The following CAST variants were observed in gnomAD, a reference collection of about 807,000 sequenced individuals.
The protein encoded by CAST is calpastatin, also known as MIR583 host.
In CAST, 76 loss-of-function variants were observed where a neutral mutation model predicts 119.6. That is an observed-to-expected ratio of 0.64 (90% CI 0.53 to 0.77). The LOEUF (loss-of-function observed/expected upper bound fraction) is 0.77. Among genes scored for constraint, CAST ranks in the 30% least tolerant of loss-of-function variants. The pLI, the probability that CAST is intolerant of heterozygous loss-of-function variation, is 0.00. For synonymous variants in CAST, 319 were observed against 331.6 expected (o/e 0.96, Z 0.41); for missense variants, 953 against 946.5 (o/e 1.01, Z -0.09).
At chr5:96,421,180 A>C in the CAST span, among the ~76,000 whole-genome samples, 11 of 152,152 alleles carry the variant, frequency 7.2e-5, no homozygotes, top group African/African-American at 2.4e-4. Flanking sequence ...TCTTTCTTTC[A>C]CCTCTCCCTT....
chr5:96,076,977 ATATTT>A, the CAST span, among the ~76,000 whole-genome samples: 6 of 151,128 alleles, frequency 4.0e-5, no homozygotes, highest in Admixed American at 3.3e-4. Context: ...TATAATAAAA[ATATTT>A]TATATTATGC....
chr5:95,983,380 A>G, the CAST span, among the ~76,000 whole-genome samples: 15 of 152,216 alleles, frequency 9.9e-5, no homozygotes, highest in African/African-American at 3.6e-4. Flanking sequence ...TTGAAAGCAC[A>G]TTTCATAACT....
the CAST span, among the ~76,000 whole-genome samples, chr5:96,173,904 G>A: frequency 6.6e-6 from 1 of 151,862 alleles, no homozygotes; most frequent in Admixed American, 6.6e-5. Context: ...ACCACGCCCG[G>A]CTAATTTTTT....
chr5:96,426,119 A>G, the CAST span, among the ~76,000 whole-genome samples: 1 of 152,170 alleles, frequency 6.6e-6, no homozygotes, highest in Non-Finnish European at 1.5e-5. Context: ...TATTTCCTCT[A>G]TTACAGTAAA....
intron 1 of CAST, among the ~76,000 whole-genome samples, chr5:96,631,680 C>T (rs1031061907): frequency 6.7e-6 from 1 of 150,018 alleles, no homozygotes; most frequent in African/African-American, 2.4e-5. Context: ...CCACAGGCGC[C>T]CGCCACCACG....
the CAST span, among the ~76,000 whole-genome samples, chr5:96,189,380 A>T: frequency 1.3e-5 from 2 of 152,184 alleles, no homozygotes; most frequent in African/African-American, 4.8e-5. Context: ...TTCCTGGTTC[A>T]AAAACTTTCC....
the CAST span, among the ~76,000 whole-genome samples, chr5:95,974,726 A>G: frequency 6.6e-6 from 1 of 151,932 alleles, no homozygotes; most frequent in Non-Finnish European, 1.5e-5. Flanking sequence ...TCATTTCCTT[A>G]CTCTGATAAG....
At chr5:96,021,302 C>T in the CAST span, among the ~76,000 whole-genome samples, 1 of 152,038 alleles carries the variant, frequency 6.6e-6, no homozygotes, top group Non-Finnish European at 1.5e-5. Flanking sequence ...CTTTTTCACA[C>T]ACAAAAATTT....
chr5:96,214,461 G>A, the CAST span, among the ~76,000 whole-genome samples: 1 of 152,158 alleles, frequency 6.6e-6, no homozygotes, highest in Non-Finnish European at 1.5e-5. Flanking sequence ...ATGGAGGAAA[G>A]CCTAATACTC....
chr5:96,423,745 A>C, the CAST span, among the ~76,000 whole-genome samples: 4 of 152,172 alleles, frequency 2.6e-5, no homozygotes, highest in African/African-American at 7.2e-5. Flanking sequence ...TTTATCCCTA[A>C]ATTTCTTTCA....
At chr5:96,515,064 A>G in the CAST span, among the ~76,000 whole-genome samples, 1 of 152,054 alleles carries the variant, frequency 6.6e-6, no homozygotes, top group Non-Finnish European at 1.5e-5. Context: ...GCTATTTCTT[A>G]AATGTCAATC....
chr5:96,487,090 G>A, the CAST span, among the ~76,000 whole-genome samples: 238 of 151,496 alleles, frequency 1.6e-3, no homozygotes, highest in Middle Eastern at 6.8e-3. Flanking sequence ...GTAAAGATTG[G>A]AGAGCATCAC....
chr5:96,320,534 G>A, the CAST span, among the ~76,000 whole-genome samples: 4 of 152,074 alleles, frequency 2.6e-5, no homozygotes, highest in African/African-American at 7.2e-5. Flanking sequence ...CACCGTGCCC[G>A]GTCGGCTTTT....
chr5:96,166,536 G>A, the CAST span, among the ~76,000 whole-genome samples: 3 of 152,054 alleles, frequency 2.0e-5, no homozygotes, highest in Non-Finnish European at 4.4e-5. Context: ...GCAAATAACT[G>A]ATTTAAGTGC....
the CAST span, among the ~76,000 whole-genome samples, chr5:96,237,687 T>A: frequency 6.6e-6 from 1 of 152,144 alleles, no homozygotes; most frequent in East Asian, 1.9e-4. Context: ...TATAAACATG[T>A]AATTTCTATT....
chr5:96,371,568 A>G, the CAST span, among the ~76,000 whole-genome samples: 1 of 152,342 alleles, frequency 6.6e-6, no homozygotes, highest in Non-Finnish European at 1.5e-5. Context: ...CTTTCCTTTC[A>G]TTATCTTCTA....
the CAST span, among the ~76,000 whole-genome samples, chr5:96,377,835 A>C: frequency 6.6e-6 from 1 of 152,188 alleles, no homozygotes; most frequent in East Asian, 1.9e-4. Context: ...CAAATCAATG[A>C]ATATACTTTT....
chr5:96,457,960 A>G, the CAST span, among the ~76,000 whole-genome samples: 1 of 152,182 alleles, frequency 6.6e-6, no homozygotes, highest in Non-Finnish European at 1.5e-5. Context: ...AAAATTAATG[A>G]AGGATGACGT....
At chr5:96,381,553 T>C in the CAST span, among the ~76,000 whole-genome samples, 1 of 152,224 alleles carries the variant, frequency 6.6e-6, no homozygotes, top group South Asian at 2.1e-4. Context: ...TTGGGTATTA[T>C]GGTCAATAAC....
Sources: gnomAD v4.1 joint callset for allele counts (sites outside exome capture counted in the v4.1 genomes callset) on GRCh38, gnomAD v4.1.1 for gene constraint, MANE v1.5 for transcripts, NCBI Gene and HGNC (gene_info 2026-07-23, HGNC 2026-07-21) for gene names.